PDS5A: variants seen among roughly 807,000 people sequenced by gnomAD.
The protein encoded by PDS5A is sister chromatid cohesion protein PDS5 homolog A.
A neutral mutation model predicts 167.1 loss-of-function variants in PDS5A; 42 were observed. That is an observed-to-expected ratio of 0.25 (90% CI 0.20 to 0.33). The LOEUF is 0.33. PDS5A is among the 10% of genes least tolerant of loss of function. PDS5A has a pLI of 1.00. For missense variants in PDS5A, 1,033 were observed against 1,605.9 expected, an observed-to-expected ratio of 0.64 and a Z score of 6.10; for synonymous variants, 553 against 554.6, an observed-to-expected ratio of 1.00 and a Z score of 0.04.
chr4:39,917,185 A>T lies in PDS5A; in HGVS notation c.739T>A (p.Phe247Ile), dbSNP rs1346919020. The T allele has an allele frequency of 3.9e-6, 6 of 1,547,160 alleles. 1 individual carries two copies. Among genetic ancestry groups the T allele is most frequent in the Non-Finnish European group, 5.2e-6 (6 of 1,154,050 alleles). Residue 247 changes from phenylalanine (F) to isoleucine (I), a missense_variant, in exon 8 of 33, where the codon TTC becomes ATC. This residue lies in a region of PDS5A where 388 missense variants were observed against 615.1 expected (regional missense o/e 0.63). Transcript: ENST00000303538. ...QTIEACIANF[F>I]NQVLVLGRSS... ...CTTCCCAGCACCAGGACTTGATTGA[A>T]AAACTGTAAGAGATATTAAAAACAA...
chr4:39,903,710 G>A (rs982435334), intron 12 of PDS5A, among the ~76,000 whole-genome samples: 2 of 152,088 alleles, frequency 1.3e-5, no homozygotes, highest in African/African-American at 4.8e-5. Flanking sequence ...ATATAAAACT[G>A]AAGCGCACAA....
rs752226551 is a variant in PDS5A at position 39,869,418 on chromosome 4, C to T, written c.2481G>A (p.Glu827=). ...CCTTTGCTAGTACTTCAGGGGAAAC[C>T]TCTTCATCTGGAGACCACAGTTTTC... The part of the protein sequence containing the change: ...KNGKLWSPDE[E]VSPEVLAKVQ... The change falls in exon 22 of 33, where the codon GAG becomes GAA. Residue 827 remains glutamate, a synonymous_variant. Coordinates refer to ENST00000303538, the MANE Select transcript of PDS5A (RefSeq NM_001100399.2). 5 of 1,603,384 alleles carry T rather than the reference C, an allele frequency of 3.1e-6. No individual in the cohort carries two copies. Among genetic ancestry groups the T allele is most frequent in the Admixed American group, 3.3e-5 (2 of 59,960 alleles).
chr4:39,838,923 G>A (rs1320407631), intron 31 of PDS5A, among the ~76,000 whole-genome samples: 2 of 152,058 alleles, frequency 1.3e-5, no homozygotes, highest in South Asian at 2.1e-4. Flanking sequence ...GGAGGCTGAG[G>A]CAGGAGAATA....
chr4:39,973,860 T>C lies in PDS5A; in HGVS notation c.138+2580A>G, dbSNP rs1730809796. On this transcript the variant is annotated intron_variant, in intron 2 of 32. Transcript: ENST00000303538. ...GTGCTGCAAGACCGGGCGCGGTGGCTCACGCCTGTAATCCCAGCACTTTGG... is the reference window on the plus strand; with the variant it reads ...GTGCTGCAAGACCGGGCGCGGTGGCCCACGCCTGTAATCCCAGCACTTTGG... 7.0e-6 allele frequency: 6 copies of C among 859,952 alleles called. No homozygotes were observed. The Admixed American group carries it at 1.1e-4, about 15-fold the overall frequency. 53.3% of individuals were successfully genotyped at this position (859,952 alleles called of 1,614,324 possible).
chr4:39,849,400 T>G, intron 27 of PDS5A, 120 bp downstream of exon 27: 1 of 685,152 alleles, frequency 1.5e-6, no homozygotes, highest in Non-Finnish European at 2.5e-6. Flanking sequence ...CACATTTACT[T>G]TTGTAAACAT....
intron 29 of PDS5A, 101 bp from the exon 30 acceptor site, chr4:39,844,902 A>G (rs1302707441): frequency 1.0e-5 from 12 of 1,205,542 alleles, no homozygotes; most frequent in Non-Finnish European, 8.9e-6. Flanking sequence ...GTTAAGTGCT[A>G]ATTAGTTAAA....
intron 26 of PDS5A, among the ~76,000 whole-genome samples, chr4:39,856,633 T>C (rs1454535262): frequency 1.3e-5 from 2 of 151,948 alleles, no homozygotes; most frequent in Non-Finnish European, 2.9e-5. Flanking sequence ...CTGGCCAACA[T>C]GGTGAAACCT....
chr4:39,976,862 T>C (rs1326994813), intron 1 of PDS5A, among the ~76,000 whole-genome samples: 1 of 149,224 alleles, frequency 6.7e-6, no homozygotes, highest in Non-Finnish European at 1.5e-5. Flanking sequence ...GCGCCAGGAG[T>C]TTCCCATTCC....
Position 39,976,652 on chromosome 4 carries a change from G to C in PDS5A, c.-40-35C>G, listed in dbSNP as rs960343000. ...AGAAAACCAAAGTTCAGCGGGAAAG[G>C]GGCGACTTTGTAACCTCTTTTTTCA... is the stretch of plus-strand genomic sequence containing the variant. On this transcript the variant is annotated intron_variant, in intron 1 of 32. Coordinates refer to ENST00000303538, the MANE Select transcript of PDS5A (RefSeq NM_001100399.2). 8.8e-6 allele frequency: 10 copies of C among 1,132,112 alleles called. No individual in the cohort carries two copies. The African/African-American group carries it at 1.4e-4, about 16-fold the overall frequency. The allele number at this position is 1,132,112 out of a possible 1,614,324, so 70.1% of individuals were successfully genotyped here. A position where few individuals can be genotyped will look rare whatever the true frequency, so the allele number is the denominator to read the frequency against.
Position 39,902,480 on chromosome 4 carries a change from A to G in PDS5A, c.1386-20T>C, listed in dbSNP as rs769677535. 1 of 1,228,634 alleles carries G rather than the reference A, an allele frequency of 8.1e-7. No individual in the cohort carries two copies. Among genetic ancestry groups the G allele is most frequent in the African/African-American group, 1.5e-5 (1 of 65,154 alleles). 76.1% of individuals were successfully genotyped at this position (1,228,634 alleles called of 1,614,324 possible). ...AACAGTCTAGGAAATAACAACAACA[A>G]AAAAAACCTAAGTGACACAATTATT... is the stretch of plus-strand genomic sequence containing the variant. On this transcript the variant is annotated intron_variant, in intron 12 of 32. Transcript: ENST00000303538.
intron 11 of PDS5A, among the ~76,000 whole-genome samples, chr4:39,906,854 T>G (rs1448489526): frequency 6.8e-6 from 1 of 146,974 alleles, no homozygotes; most frequent in African/African-American, 2.5e-5. Flanking sequence ...GGCCCCTTAT[T>G]AGATGGAATA....
rs970327904 is a variant in PDS5A at position 39,917,295 on chromosome 4, A to T, written c.736-107T>A. The T allele has an allele frequency of 2.4e-4, 158 of 661,508 alleles. 1 individual carries two copies. In the South Asian group the frequency reaches 3.1e-3, roughly 13 times the overall value. The allele number at this position is 661,508 out of a possible 1,614,324, so 41.0% of individuals were successfully genotyped here. A position where few individuals can be genotyped will look rare whatever the true frequency, so the allele number is the denominator to read the frequency against. On this transcript the variant is annotated intron_variant, in intron 7 of 32. Coordinates refer to ENST00000303538, the MANE Select transcript of PDS5A (RefSeq NM_001100399.2). ...AATAATTTAATTAGGTATTACATAT[A>T]CAATTGAAGGAGGTGATACAAACAG...
At position 39,844,715 on chromosome 4, in the gene PDS5A, C is replaced by T. The variant is rs766226294; in HGVS notation, c.3489G>A (p.Glu1163=). ...AATTTACATTAATATTGCTTCCAGT[C>T]TCAGTGCCAGTGCTTCTAACATAGG... The part of the protein sequence containing the change: ...RKPYVRSTGT[E]TGSNINVNSE... Residue 1163 remains glutamate, a synonymous_variant, in exon 30 of 33, where the codon GAG becomes GAA. Transcript: ENST00000303538. 6 of 1,613,556 alleles carry T rather than the reference C, an allele frequency of 3.7e-6. No homozygotes were observed. The highest frequency in any genetic ancestry group is 1.1e-5 in the South Asian group (1 of 91,068).
chr4:39,843,458 G>A (rs556157476), intron 30 of PDS5A, among the ~76,000 whole-genome samples: 1 of 152,270 alleles, frequency 6.6e-6, no homozygotes, highest in South Asian at 2.1e-4. Context: ...TTTGGGCCAG[G>A]CGTGATGGTT....
chr4:39,962,725 AC>A (rs1379536393), intron 2 of PDS5A, among the ~76,000 whole-genome samples: 1 of 151,976 alleles, frequency 6.6e-6, no homozygotes, highest in East Asian at 1.9e-4. Flanking sequence ...AATCGCTTGA[AC>A]CCAGGAGGCG....
chr4:39,895,376 G>A (rs976559335), intron 16 of PDS5A, among the ~76,000 whole-genome samples: 2 of 152,048 alleles, frequency 1.3e-5, no homozygotes, highest in African/African-American at 4.8e-5. Context: ...TGGTATTTGT[G>A]TATTTGAACA....
At chr4:39,969,233 C>A (rs908475435) in intron 2 of PDS5A, among the ~76,000 whole-genome samples, 4 of 152,180 alleles carry the variant, frequency 2.6e-5, no homozygotes, top group East Asian at 1.9e-4. Flanking sequence ...AGGTGACTAG[C>A]GTTGTTCACA....
chr4:39,964,672 GCTATAGAGCAAGA>G (rs1729807523), intron 2 of PDS5A, among the ~76,000 whole-genome samples: 1 of 152,198 alleles, frequency 6.6e-6, no homozygotes, highest in Admixed American at 6.5e-5. Flanking sequence ...TCCAGCCTGG[GCTATAGAGCAAGA>G]CTCCATCTCA....
chr4:39,936,295 C>T (rs571518539), intron 2 of PDS5A, among the ~76,000 whole-genome samples: 4 of 152,264 alleles, frequency 2.6e-5, no homozygotes, highest in Admixed American at 2.6e-4. Context: ...AGACTGCCTC[C>T]ACTTCCGATG....
Sources: allele counts gnomAD v4.1 joint callset (sites outside exome capture counted in the v4.1 genomes callset), GRCh38; gene constraint gnomAD v4.1.1; regional missense constraint gnomAD v4.1.1; transcripts MANE v1.5; gene names NCBI Gene and HGNC (gene_info 2026-07-23, HGNC 2026-07-21).